The following NAT10 variants were observed in gnomAD, a reference collection of about 807,000 sequenced individuals.
NAT10 encodes the protein RNA cytidine acetyltransferase.
In NAT10, 109 loss-of-function variants were observed where a neutral mutation model predicts 132.2. The observed-to-expected ratio is 0.82, with a 90% confidence interval of 0.71 to 0.97. NAT10 has a LOEUF of 0.97. Among genes scored for constraint, NAT10 ranks in the 50% least tolerant of loss-of-function variants. NAT10 has a pLI of 0.00. For synonymous variants in NAT10, 479 were observed against 478.0 expected, an observed-to-expected ratio of 1.00 and a Z score of -0.03; for missense variants, 1,184 against 1,263.4, an observed-to-expected ratio of 0.94 and a Z score of 0.95.
chr11:34,105,657 G>T lies in NAT10; in HGVS notation c.-151G>T, dbSNP rs893275511. 20 of 152,480 alleles carry T rather than the reference G, an allele frequency of 1.3e-4. No homozygotes were observed. Among genetic ancestry groups the T allele is most frequent in the African/African-American group, 4.8e-4 (20 of 41,606 alleles). 9.4% of individuals were successfully genotyped at this position (152,480 alleles called of 1,614,324 possible). A position where few individuals can be genotyped will look rare whatever the true frequency, so the allele number is the denominator to read the frequency against. On this transcript the variant is annotated 5_prime_UTR_variant, in exon 1 of 29. Coordinates refer to ENST00000257829, the MANE Select transcript of NAT10 (RefSeq NM_024662.3). The stretch of plus-strand genomic sequence containing the variant: ...TCCTGAGAGGGACGCGTGCCGCGGA[G>T]CCAGGCTTACTACGTGACCCGGACA...
chr11:34,108,186 C>T (rs1340799695), intron 1 of NAT10, 25 bp from the exon 2 acceptor site: 3 of 1,511,634 alleles, frequency 2.0e-6, no homozygotes, highest in Non-Finnish European at 2.8e-6. Flanking sequence ...GTGCGCATGG[C>T]CAGTTGTATT....
intron 9 of NAT10, 73 bp downstream of exon 9, chr11:34,122,665 G>A: frequency 6.4e-7 from 1 of 1,572,056 alleles, no homozygotes. Flanking sequence ...TGGGGTCAGA[G>A]GACTGGTATC....
rs148850463 is a variant in NAT10 at position 34,136,749 on chromosome 11, C to T, written c.2136C>T (p.Ser712=). 19 of 1,614,050 alleles carry T rather than the reference C, an allele frequency of 1.2e-5. No individual in the cohort carries two copies. Among genetic ancestry groups the T allele is most frequent in the Non-Finnish European group, 1.6e-5 (19 of 1,180,046 alleles). The stretch of plus-strand genomic sequence containing the variant: ...AACGCCTGGATTACCTGGGTGTTTC[C>T]TATGGCTTGACCCCCAGGCTCCTCA... ...PAERLDYLGV[S]YGLTPRLLKF... The change falls in exon 20 of 29, where the codon TCC becomes TCT. Residue 712 remains serine, a synonymous_variant. Coordinates refer to ENST00000257829, the MANE Select transcript of NAT10 (RefSeq NM_024662.3).
chr11:34,106,421 A>AT (rs199999125), intron 1 of NAT10, among the ~76,000 whole-genome samples: 12,546 of 142,170 alleles, frequency 0.088, 534 homozygotes, highest in Non-Finnish European at 0.097. Context: ...CAGTATAGCT[A>AT]TTTTTTTTTT....
chr11:34,123,849 A>G lies in NAT10; in HGVS notation c.1002A>G (p.Gln334=). The change falls in exon 10 of 29, where the codon CAA becomes CAG. Residue 334 remains glutamine, a synonymous_variant. Coordinates refer to ENST00000257829, the MANE Select transcript of NAT10 (RefSeq NM_024662.3). ...TATTTAAAGGATTTGATGCTCTGCAATATCAGGTAGGAAATTTGGATTAAG... is the reference window on the plus strand; with the variant it reads ...TATTTAAAGGATTTGATGCTCTGCAGTATCAGGTAGGAAATTTGGATTAAG... ...EFVFKGFDAL[Q]YQEHLDYEII... is the part of the protein sequence containing the mutation. The G allele has an allele frequency of 6.2e-7, 1 of 1,604,738 alleles. No individual in the cohort carries two copies. The highest frequency in any genetic ancestry group is 1.3e-5 in the African/African-American group (1 of 74,812).
chr11:34,111,326 G>A (rs1369154614), intron 3 of NAT10, among the ~76,000 whole-genome samples: 3 of 152,220 alleles, frequency 2.0e-5, no homozygotes, highest in Non-Finnish European at 4.4e-5. Flanking sequence ...TCATAGATGA[G>A]GAAGTGGAGG....
intron 12 of NAT10, among the ~76,000 whole-genome samples, chr11:34,128,864 G>T (rs1253625888): frequency 6.6e-6 from 1 of 152,180 alleles, no homozygotes; most frequent in Non-Finnish European, 1.5e-5. Flanking sequence ...ACCCTAGGGA[G>T]TCACTAATCT....
rs77474102 is a variant in NAT10 at position 34,130,527 on chromosome 11, C to G, written c.1245-286C>G. 1.1e-3 allele frequency among the ~76,000 whole-genome samples: 169 copies of G among 152,340 alleles called. 6 individuals carry two copies. In the East Asian group the frequency reaches 0.029, roughly 26 times the overall value. ...AGTCCTGTGAGGTGTATAGAATAAT[C>G]CCCTCTTGAAGATGAGGCGAAAAGA... is the stretch of plus-strand genomic sequence containing the variant. On this transcript the variant is annotated intron_variant, in intron 12 of 28. Coordinates refer to ENST00000257829, the MANE Select transcript of NAT10 (RefSeq NM_024662.3).
At position 34,113,656 on chromosome 11, in the gene NAT10, A is replaced by G. The variant is rs1211367760; in HGVS notation, c.373-60A>G. 2.9e-5 allele frequency: 45 copies of G among 1,529,764 alleles called. No homozygotes were observed. In the Middle Eastern group the frequency reaches 5.3e-4, roughly 18 times the overall value. The allele number at this position is 1,529,764 out of a possible 1,614,324, so 94.8% of individuals were successfully genotyped here. A position where few individuals can be genotyped will look rare whatever the true frequency, so the allele number is the denominator to read the frequency against. On this transcript the variant is annotated intron_variant, in intron 4 of 28. Transcript: ENST00000257829. ...CATCTCAAAAAAAAAAAAAAAAAAA[A>G]AAAAGTCCTTTGGGTTGCTATTTGC... is the stretch of plus-strand genomic sequence containing the variant.
chr11:34,128,259 C>T (rs1852037049), intron 12 of NAT10, among the ~76,000 whole-genome samples: 1 of 150,790 alleles, frequency 6.6e-6, no homozygotes, highest in Admixed American at 6.6e-5. Context: ...GAGGCTGAGG[C>T]AGGAAAATTG....
intron 1 of NAT10, among the ~76,000 whole-genome samples, chr11:34,107,656 G>A (rs139209627): frequency 1.3e-3 from 199 of 152,278 alleles, no homozygotes; most frequent in Middle Eastern, 3.4e-3. Context: ...GGCCCAGCAT[G>A]GTGGCTCACA....
At chr11:34,130,237 T>C (rs1034172346) in intron 12 of NAT10, among the ~76,000 whole-genome samples, 2 of 152,164 alleles carry the variant, frequency 1.3e-5, no homozygotes, top group African/African-American at 4.8e-5. Context: ...GGTGATTTAA[T>C]TTTTTTCTCA....
chr11:34,121,513 G>C (rs1238432711), intron 8 of NAT10, among the ~76,000 whole-genome samples: 3 of 152,070 alleles, frequency 2.0e-5, no homozygotes, highest in African/African-American at 4.8e-5. Context: ...TAAAGTTTGA[G>C]ATCTGTAGTG....
At position 34,134,603 on chromosome 11, in the gene NAT10, C is replaced by A; in HGVS notation, c.1911+17C>A. ...TATCAAGGGGTAATGTGTCCTCAGG[C>A]TCCCCTGAAGCCGTGTTGCTGGCGG... On this transcript the variant is annotated intron_variant, in intron 18 of 28. Coordinates refer to ENST00000257829, the MANE Select transcript of NAT10 (RefSeq NM_024662.3). The A allele has an allele frequency of 2.5e-6, 4 of 1,613,404 alleles. No individual in the cohort carries two copies. The highest frequency in any genetic ancestry group is 3.4e-6 in the Non-Finnish European group (4 of 1,179,508).
intron 28 of NAT10, among the ~76,000 whole-genome samples, chr11:34,145,723 T>C (rs1852428268): frequency 1.3e-5 from 2 of 152,186 alleles, no homozygotes; most frequent in Admixed American, 1.3e-4. Context: ...CCAGAGTCAC[T>C]GCAGTGGTGA....
At chr11:34,140,341 T>C in intron 23 of NAT10, 59 bp from the exon 24 acceptor site, 1 of 1,526,810 alleles carries the variant, frequency 6.5e-7, no homozygotes, top group Non-Finnish European at 9.0e-7. Context: ...GGGGGCTGTG[T>C]GCTATCTCAT....
chr11:34,109,411 T>A (rs566296622), intron 3 of NAT10, among the ~76,000 whole-genome samples: 27 of 152,334 alleles, frequency 1.8e-4, no homozygotes, highest in African/African-American at 6.5e-4. Flanking sequence ...TATTGCCATA[T>A]ACCTTAAAAC....
chr11:34,133,045 AGATGCTCTCC>A lies in NAT10; in HGVS notation c.1643_1652del (p.Leu548HisfsTer41). ...CCACAGAACTCTCCCAATGATCTCC[AGATGCTCTCC>A]GATGCACCTGCTCACCATCTCTTCT... On this transcript the variant is annotated frameshift_variant, in exon 16 of 29. Coordinates refer to ENST00000257829, the MANE Select transcript of NAT10 (RefSeq NM_024662.3). LOFTEE classifies it high-confidence loss of function. The A allele has an allele frequency of 6.2e-7, 1 of 1,614,090 alleles. No individual in the cohort carries two copies. Among genetic ancestry groups the A allele is most frequent in the Non-Finnish European group, 8.5e-7 (1 of 1,179,962 alleles).
intron 6 of NAT10, among the ~76,000 whole-genome samples, chr11:34,117,731 A>C (rs59518134): frequency 0.1 from 15,522 of 151,764 alleles, 856 homozygotes; most frequent in African/African-American, 0.15. Context: ...CTTTCCTTTC[A>C]CCTTCTTCCT....
Sources: gnomAD v4.1 joint callset for allele counts (sites outside exome capture counted in the v4.1 genomes callset) on GRCh38, gnomAD v4.1.1 for gene constraint, MANE v1.5 for transcripts, NCBI Gene and HGNC (gene_info 2026-07-23, HGNC 2026-07-21) for gene names.